The following RAPGEF4 variants were observed in gnomAD, a reference collection of about 807,000 sequenced individuals.
The protein encoded by RAPGEF4 is Rap guanine nucleotide exchange factor 4, also known as RAP guanine-nucleotide-exchange factor (GEF) 4.
Under a neutral mutation model 147.9 loss-of-function variants are expected in RAPGEF4, and 66 were observed. The observed-to-expected ratio is 0.45, with a 90% CI of 0.37 to 0.55. The LOEUF (loss-of-function observed/expected upper bound fraction) is 0.55. Ranked by LOEUF, RAPGEF4 falls within the 20% of genes least tolerant of loss-of-function variation. The pLI, the probability that RAPGEF4 is intolerant of heterozygous loss-of-function variation, is 0.00. For missense variants in RAPGEF4, 1,071 were observed against 1,257.3 expected, an observed-to-expected ratio of 0.85 and a Z score of 2.24; for synonymous variants, 419 against 442.7, an observed-to-expected ratio of 0.95 and a Z score of 0.67.
chr2:172,979,230 C>A (rs1691416765), intron 10 of RAPGEF4, among the ~76,000 whole-genome samples: 1 of 152,134 alleles, frequency 6.6e-6, no homozygotes, highest in South Asian at 2.1e-4. Flanking sequence ...CCTTGCTTAA[C>A]CTCAGTGGGA....
At chr2:172,954,350 T>G (rs1000236376) in intron 6 of RAPGEF4, among the ~76,000 whole-genome samples, 1 of 152,210 alleles carries the variant, frequency 6.6e-6, no homozygotes, top group African/African-American at 2.4e-5. Context: ...CTCAATTCTC[T>G]GAGGAGCCCA....
intron 4 of RAPGEF4, chr2:172,889,855 A>G (rs1697700347): frequency 1.0e-6 from 1 of 974,132 alleles, no homozygotes; most frequent in Non-Finnish European, 1.2e-6. Flanking sequence ...CAGATTTTGC[A>G]AAGGAAACTT....
At chr2:172,805,253 T>C (rs533570305) in intron 3 of RAPGEF4, among the ~76,000 whole-genome samples, 33 of 152,292 alleles carry the variant, frequency 2.2e-4, no homozygotes, top group African/African-American at 7.2e-4. Context: ...TGTCTGCCTC[T>C]CGGAGACCCT....
intron 1 of RAPGEF4, among the ~76,000 whole-genome samples, chr2:172,755,554 C>A (rs902766259): frequency 6.6e-6 from 1 of 152,058 alleles, no homozygotes; most frequent in African/African-American, 2.4e-5. Flanking sequence ...CCACCACGCC[C>A]AGCTACTATT....
intron 17 of RAPGEF4, among the ~76,000 whole-genome samples, chr2:173,003,740 C>G (rs1481539169): frequency 6.6e-6 from 1 of 150,988 alleles, no homozygotes; most frequent in Non-Finnish European, 1.5e-5. Flanking sequence ...TATTTGAAAG[C>G]TTGTTTAAAT....
intron 10 of RAPGEF4, among the ~76,000 whole-genome samples, chr2:172,980,291 T>C (rs1180372151): frequency 6.6e-6 from 1 of 152,032 alleles, no homozygotes. Flanking sequence ...AAGCTGGTGG[T>C]CCTTGTGAGT....
At chr2:172,769,853 A>G (rs1697193582) in intron 1 of RAPGEF4, among the ~76,000 whole-genome samples, 1 of 152,188 alleles carries the variant, frequency 6.6e-6, no homozygotes, top group Non-Finnish European at 1.5e-5. Flanking sequence ...CTGAAATTCA[A>G]ATATAAGTGG....
rs750231631 is a variant in RAPGEF4, at chr2:172,967,314, G to A, written c.874G>A (p.Asp292Asn). 2 of 1,612,298 alleles carry A rather than the reference G, an allele frequency of 1.2e-6. No homozygotes were observed. The highest frequency in any genetic ancestry group is 1.7e-6 in the Non-Finnish European group (2 of 1,179,708). ...ATATTTATTCTATCGATTTCTGGAT[G>A]ATGAGCACGAGGATGCCCCTTTGCC... ...DKYLFYRFLD[D>N]EHEDAPLPTE... The change falls in exon 10 of 31, where the codon GAT becomes AAT. Residue 292 changes from aspartate to asparagine, a missense_variant. Coordinates refer to ENST00000397081, the MANE Select transcript of RAPGEF4 (RefSeq NM_007023.4).
intron 4 of RAPGEF4, among the ~76,000 whole-genome samples, chr2:172,914,064 A>G (rs1683756556): frequency 6.6e-6 from 1 of 152,188 alleles, no homozygotes; most frequent in African/African-American, 2.4e-5. Flanking sequence ...TCTGTATATA[A>G]GTAGTGCCGC....
At chr2:172,881,904 T>C (rs889710770) in intron 4 of RAPGEF4, among the ~76,000 whole-genome samples, 2 of 152,196 alleles carry the variant, frequency 1.3e-5, no homozygotes, top group East Asian at 3.9e-4. Context: ...TGAGGGATGA[T>C]GGAGTAAGGT....
At chr2:173,011,425 C>T (rs565945926) in intron 17 of RAPGEF4, among the ~76,000 whole-genome samples, 79 of 152,054 alleles carry the variant, frequency 5.2e-4, no homozygotes, top group Non-Finnish European at 1.0e-3. Flanking sequence ...TTTTCCCCAC[C>T]GGTAAATATT....
intron 10 of RAPGEF4, among the ~76,000 whole-genome samples, chr2:172,978,000 A>G (rs1691265799): frequency 6.6e-6 from 1 of 151,942 alleles, no homozygotes; most frequent in Non-Finnish European, 1.5e-5. Flanking sequence ...TTGCAGCTTG[A>G]ATGTTGTTTA....
intron 21 of RAPGEF4, among the ~76,000 whole-genome samples, chr2:173,018,259 G>A (rs550000047): frequency 3.5e-4 from 53 of 152,302 alleles, no homozygotes; most frequent in Admixed American, 6.5e-4. Flanking sequence ...TGGCCCAGGC[G>A]GAAGCCCTCC....
At chr2:172,886,461 A>G (rs940490269) in intron 4 of RAPGEF4, among the ~76,000 whole-genome samples, 1 of 152,176 alleles carries the variant, frequency 6.6e-6, no homozygotes, top group African/African-American at 2.4e-5. Context: ...AGAACCCAGC[A>G]CTCGGCATAG....
At chr2:172,822,277 GAGTAAC>G (rs1186981424) in intron 4 of RAPGEF4, among the ~76,000 whole-genome samples, 1 of 152,186 alleles carries the variant, frequency 6.6e-6, no homozygotes, top group Non-Finnish European at 1.5e-5. Flanking sequence ...TAACTAGGCA[GAGTAAC>G]ATTTATCACA....
intron 6 of RAPGEF4, among the ~76,000 whole-genome samples, chr2:172,944,299 T>C (rs1343190802): frequency 6.6e-6 from 1 of 152,208 alleles, no homozygotes; most frequent in East Asian, 1.9e-4. Context: ...TATTGAAAGT[T>C]CTGTCTTTGT....
chr2:172,834,067 A>T lies in RAPGEF4; in HGVS notation c.444+19642A>T, dbSNP rs144338542. Among the ~76,000 whole-genome samples, 1,442 of 152,100 alleles carry T rather than the reference A, an allele frequency of 9.5e-3. 17 individuals carry two copies. Among genetic ancestry groups the T allele is most frequent in the African/African-American group, 0.032 (1,325 of 41,482 alleles). Reference sequence around the variant, plus strand: ...CAATTCCCAGCACTTATTCATCCTTATCTATTTGGGGGAAACTCAGAGGAA... The same window carrying T: ...CAATTCCCAGCACTTATTCATCCTTTTCTATTTGGGGGAAACTCAGAGGAA... On this transcript the variant is annotated intron_variant, in intron 4 of 30. Transcript: ENST00000397081.
At chr2:172,887,479 A>G (rs558353171) in intron 4 of RAPGEF4, among the ~76,000 whole-genome samples, 1 of 152,350 alleles carries the variant, frequency 6.6e-6, no homozygotes, top group African/African-American at 2.4e-5. Flanking sequence ...GGGGTTGTGA[A>G]ACTATGGCCT....
At chr2:173,022,213 A>G (rs1449833464) in intron 23 of RAPGEF4, among the ~76,000 whole-genome samples, 1 of 152,230 alleles carries the variant, frequency 6.6e-6, no homozygotes, top group African/African-American at 2.4e-5. Context: ...GACATGGCGC[A>G]GACACAGGGA....
Sources: allele counts gnomAD v4.1 joint callset (sites outside exome capture counted in the v4.1 genomes callset), GRCh38; gene constraint gnomAD v4.1.1; transcripts MANE v1.5; gene names NCBI Gene and HGNC (gene_info 2026-07-23, HGNC 2026-07-21).